The following AGAP3 variants were observed in gnomAD, a reference collection of about 807,000 sequenced individuals.
AGAP3 encodes ArfGAP with GTPase domain, ankyrin repeat and PH domain 3, also known as arf-GAP with GTPase, ANK repeat and PH domain-containing protein 3.
Under a neutral mutation model 96.9 loss-of-function variants are expected in AGAP3, and 24 were observed. The ratio of observed to expected loss-of-function variants is 0.25; its 90% confidence interval spans 0.18 to 0.35. The LOEUF is 0.35. Ranked by LOEUF, AGAP3 falls within the 10% of genes least tolerant of loss-of-function variation. AGAP3 has a pLI of 1.00. For synonymous variants in AGAP3, 563 were observed against 536.1 expected, an observed-to-expected ratio of 1.05 and a Z score of -0.69; for missense variants, 876 against 1,254.2, an observed-to-expected ratio of 0.70 and a Z score of 4.55.
Position 151,093,932 on chromosome 7 carries a change from C to T in AGAP3, c.331+6860C>T, listed in dbSNP as rs78071871. On this transcript the variant is annotated intron_variant, in intron 1 of 17. Coordinates refer to ENST00000397238, the MANE Select transcript of AGAP3 (RefSeq NM_031946.7). ...AACAGGCCAGGCTTGGCTCCCTGGC[C>T]GGGGGTCTTGTCTGTCAAGTGAGCA... Among the ~76,000 whole-genome samples, 519 of 152,260 alleles carry T rather than the reference C, an allele frequency of 3.4e-3. 1 individual carries two copies. Among genetic ancestry groups the T allele is most frequent in the African/African-American group, 0.012 (495 of 41,544 alleles).
chr7:151,134,360 G>C, intron 10 of AGAP3, 40 bp from the exon 11 acceptor site: 1 of 1,608,598 alleles, frequency 6.2e-7, no homozygotes, highest in Non-Finnish European at 8.5e-7. Context: ...AGTGACTGCT[G>C]CTAACCAGTC....
chr7:151,116,630 C>G, intron 1 of AGAP3, 163 bp from the exon 2 acceptor site: 2 of 722,088 alleles, frequency 2.8e-6, no homozygotes, highest in Non-Finnish European at 4.9e-6. Flanking sequence ...AACCTTCCCA[C>G]TGCCTCCTGG....
At chr7:151,123,220 G>C in intron 8 of AGAP3, 1 of 1,074,142 alleles carries the variant, frequency 9.3e-7, no homozygotes, top group Non-Finnish European at 1.1e-6. Context: ...CGCTTGCCTT[G>C]CCCCCTCTTT....
intron 11 of AGAP3, 136 bp from the exon 12 acceptor site, chr7:151,138,007 T>C: frequency 1.4e-6 from 1 of 707,414 alleles, no homozygotes; most frequent in Non-Finnish European, 2.3e-6. Context: ...TCCCAGAAGC[T>C]GGCCCGCCAC....
intron 1 of AGAP3, among the ~76,000 whole-genome samples, chr7:151,104,141 G>T (rs1397333714): frequency 6.6e-6 from 1 of 152,114 alleles, no homozygotes; most frequent in Admixed American, 6.6e-5. Context: ...GATGGTTTTA[G>T]CGTCCATCAA....
At position 151,120,397 on chromosome 7, in the gene AGAP3, G is replaced by C. The variant is rs1799822437; in HGVS notation, c.1128+252G>C. The C allele has an allele frequency of 2.7e-5, 18 of 668,516 alleles. 1 individual carries two copies. Among genetic ancestry groups the C allele is most frequent in the South Asian group, 2.3e-4 (14 of 59,700 alleles). The allele number at this position is 668,516 out of a possible 1,614,324, so 41.4% of individuals were successfully genotyped here. Reference sequence around the variant, plus strand: ...GTCCCCACAGTCCTCCCTGCCCTCTGCCGCACACACTCACCCTCCCCGCCG... The same window carrying C: ...GTCCCCACAGTCCTCCCTGCCCTCTCCCGCACACACTCACCCTCCCCGCCG... On this transcript the variant is annotated intron_variant, in intron 8 of 17. Transcript: ENST00000397238.
chr7:151,123,674 C>T (rs971023236), intron 8 of AGAP3, 120 bp from the exon 9 acceptor site: 1 of 1,555,286 alleles, frequency 6.4e-7, no homozygotes. Flanking sequence ...GCCGCCCCGG[C>T]CCGACCCACT....
At position 151,096,624 on chromosome 7, in the gene AGAP3, C is replaced by G. The variant is rs988329185; in HGVS notation, c.331+9552C>G. On this transcript the variant is annotated intron_variant, in intron 1 of 17. Transcript: ENST00000397238. This position sits in a 1 kb window ranked among gnomAD's most constrained non-coding sequence, Gnocchi z 4.4. ...AGTAGCTGGGACTACAGGTGCCCAC[C>G]ACCACGCCCGGCTTATTTTTTGTAT... 1.3e-5 allele frequency among the ~76,000 whole-genome samples: 2 copies of G among 151,724 alleles called. No homozygotes were observed. The highest frequency in any genetic ancestry group is 2.1e-4 in the South Asian group (1 of 4,800).
intron 1 of AGAP3, among the ~76,000 whole-genome samples, chr7:151,111,716 G>A (rs896997833): frequency 4.6e-5 from 7 of 152,194 alleles, no homozygotes; most frequent in Admixed American, 2.6e-4. Flanking sequence ...CGGCTTCTGC[G>A]CTCTCTGGCT....
At chr7:151,132,910 T>C (rs1352434366) in intron 10 of AGAP3, among the ~76,000 whole-genome samples, 1 of 152,182 alleles carries the variant, frequency 6.6e-6, no homozygotes, top group Non-Finnish European at 1.5e-5. Context: ...TGGGCTCTTT[T>C]CAGCAGAGGA....
In AGAP3 at chr7:151,118,213, C is replaced by T; in HGVS notation, c.710C>T (p.Ala237Val). 1 of 1,606,602 alleles carries T rather than the reference C, an allele frequency of 6.2e-7. No homozygotes were observed. Residue 237 changes from alanine (A) to valine (V), a missense_variant, in exon 6 of 18, where the codon GCC (alanine) becomes GTC (valine). Transcript: ENST00000397238. This position sits in a 1 kb window ranked among gnomAD's most constrained non-coding sequence, Gnocchi z 6.1. ...VPMVLVGTQD[A>V]ISAANPRVID... ...CCCGCCCTCCCACCTCCAACAGATG[C>T]CATCAGCGCTGCGAATCCCCGGGTT... is the stretch of plus-strand genomic sequence containing the variant.
intron 1 of AGAP3, among the ~76,000 whole-genome samples, chr7:151,107,881 A>G (rs1799121998): frequency 6.6e-6 from 1 of 152,206 alleles, no homozygotes; most frequent in South Asian, 2.1e-4. Context: ...GATGCTTCAT[A>G]TTCTGAGTCT....
intron 9 of AGAP3, among the ~76,000 whole-genome samples, chr7:151,125,478 C>T (rs560993950): frequency 3.9e-5 from 6 of 152,370 alleles, no homozygotes; most frequent in Admixed American, 3.3e-4. Context: ...TAGGAAGGCC[C>T]TCTAGCTGCA....
intron 12 of AGAP3, 124 bp downstream of exon 12, chr7:151,138,437 C>A: frequency 8.9e-7 from 1 of 1,122,640 alleles, no homozygotes; most frequent in Non-Finnish European, 1.2e-6. Flanking sequence ...AGGGGTGGGG[C>A]CCAGCTGGGC....
chr7:151,126,999 T>C (rs1800206663), intron 9 of AGAP3, among the ~76,000 whole-genome samples: 1 of 152,232 alleles, frequency 6.6e-6, no homozygotes, highest in Admixed American at 6.5e-5. Context: ...ATGTGAAACG[T>C]GCTGGAAAGT....
At position 151,143,767 on chromosome 7, in the gene AGAP3, C is replaced by T. The variant is rs893439858; in HGVS notation, c.2560C>T (p.Arg854Trp). Reference protein sequence around the residue: ...YGVDVRSRDARGLTPLAYARR... With the variant: ...YGVDVRSRDAWGLTPLAYARR... ...GGTGGACGTGAGGAGCCGGGACGCC[C>T]GGGGCCTGACTCCACTGGCATATGC... The change falls in exon 18 of 18, where the codon CGG (arginine) becomes TGG (tryptophan). Residue 854 changes from arginine (R) to tryptophan (W), a missense_variant. By Grantham distance (101) the Arg-to-Trp change is moderately radical. Coordinates refer to ENST00000397238, the MANE Select transcript of AGAP3 (RefSeq NM_031946.7). This position sits in a 1 kb window ranked among gnomAD's most constrained non-coding sequence, Gnocchi z 5.9. 1.1e-5 allele frequency: 17 copies of T among 1,614,140 alleles called. No homozygotes were observed. Among genetic ancestry groups the T allele is most frequent in the East Asian group, 2.2e-5 (1 of 44,888 alleles).
chr7:151,125,933 C>T (rs1186827171), intron 9 of AGAP3, among the ~76,000 whole-genome samples: 11 of 152,240 alleles, frequency 7.2e-5, no homozygotes, highest in African/African-American at 2.7e-4. Context: ...CTTCCTGCTC[C>T]GCCGTGCGCA....
chr7:151,120,853 G>A lies in AGAP3; in HGVS notation c.1128+708G>A, dbSNP rs550932606. On this transcript the variant is annotated intron_variant, in intron 8 of 17. Transcript: ENST00000397238. ...GCTGAGGGTGGCCTCTGGCTCTCAGGCCCCAGGGCCTGCTGTCTCTCCACT... is the reference window on the plus strand; with the variant it reads ...GCTGAGGGTGGCCTCTGGCTCTCAGACCCCAGGGCCTGCTGTCTCTCCACT... 1.3e-5 allele frequency: 15 copies of A among 1,151,688 alleles called. No homozygotes were observed. The South Asian group carries it at 2.3e-4, about 18-fold the overall frequency. The allele number at this position is 1,151,688 out of a possible 1,614,324, so 71.3% of individuals were successfully genotyped here.
At chr7:151,105,776 G>GC (rs771073524) in intron 1 of AGAP3, among the ~76,000 whole-genome samples, 326 of 9,822 alleles carry the variant, frequency 0.033, 66 homozygotes, top group East Asian at 0.31. Flanking sequence ...CCTCCATTCC[G>GC]CCCCCCCCCC....
Sources: allele counts gnomAD v4.1 joint callset (sites outside exome capture counted in the v4.1 genomes callset), GRCh38; gene constraint gnomAD v4.1.1; non-coding constraint Gnocchi (gnomAD v3.1); transcripts MANE v1.5; gene names NCBI Gene and HGNC (gene_info 2026-07-23, HGNC 2026-07-21).